Variants in VWF observed in about 807,000 individuals in gnomAD.
VWF encodes the protein von Willebrand factor.
VWF carries 176 observed loss-of-function variants against 308.6 expected under a neutral mutation model. The observed-to-expected ratio is 0.57, with a 90% confidence interval of 0.50 to 0.65. VWF has a LOEUF of 0.65. Ranked by LOEUF, VWF falls within the 30% of genes least tolerant of loss-of-function variation. The pLI, the probability that VWF is intolerant of heterozygous loss-of-function variation, is 0.00. For missense variants in VWF, 3,146 were observed against 3,648.2 expected (o/e 0.86, Z 3.55); for synonymous variants, 1,385 against 1,443.4 (o/e 0.96, Z 0.92).
intron 47 of VWF, among the ~76,000 whole-genome samples, chr12:5,964,615 T>A (rs1039020146): frequency 2.6e-5 from 4 of 152,196 alleles, no homozygotes; most frequent in Non-Finnish European, 4.4e-5. Context: ...ACAGACGACC[T>A]GTCCCAAGGT....
intron 5 of VWF, among the ~76,000 whole-genome samples, chr12:6,102,287 C>G (rs999755477): frequency 6.6e-6 from 1 of 151,802 alleles, no homozygotes; most frequent in Admixed American, 6.6e-5. Context: ...AATAAACATA[C>G]AAAAATTAGC....
rs192349353 is a variant in VWF at position 5,963,656 on chromosome 12, C to G, written c.7887+3830G>C. Reference sequence around the variant, plus strand: ...ACACTCACAGAGGAGGTAAGTTCAGCTAGGAACTTGTTTTCCTGTTTGTTT... The same window carrying G: ...ACACTCACAGAGGAGGTAAGTTCAGGTAGGAACTTGTTTTCCTGTTTGTTT... On this transcript the variant is annotated intron_variant, in intron 47 of 51. Transcript: ENST00000261405. 3.9e-5 allele frequency among the ~76,000 whole-genome samples: 6 copies of G among 152,304 alleles called. No homozygotes were observed. In the East Asian group the frequency reaches 9.6e-4, roughly 24 times the overall value.
intron 5 of VWF, among the ~76,000 whole-genome samples, chr12:6,100,117 A>G (rs1945144727): frequency 6.6e-6 from 1 of 152,140 alleles, no homozygotes; most frequent in African/African-American, 2.4e-5. Flanking sequence ...GAAGACATTT[A>G]TGCAGCCAAA....
chr12:6,039,508 G>A (rs10849378), intron 18 of VWF, among the ~76,000 whole-genome samples: 37,235 of 152,144 alleles, frequency 0.24, 4,802 homozygotes, highest in Non-Finnish European at 0.29. Context: ...AGAAGCTTGC[G>A]AGGAGGAGAG....
rs548656121 is a variant in VWF, at chr12:5,964,806, G to T, written c.7887+2680C>A. Among the ~76,000 whole-genome samples, 12 of 152,332 alleles carry T rather than the reference G, an allele frequency of 7.9e-5. No individual in the cohort carries two copies. The East Asian group carries it at 2.1e-3, about 27-fold the overall frequency. ...AGAGGGCAAAGTTAGGCCAAGAAAA[G>T]GAAAGGTGGAGGGCAGTTATGCGAG... On this transcript the variant is annotated intron_variant, in intron 47 of 51. Transcript: ENST00000261405.
chr12:5,953,526 C>A lies in VWF; in HGVS notation c.7956G>T (p.Gln2652His). 1 of 1,614,190 alleles carries A rather than the reference C, an allele frequency of 6.2e-7. No homozygotes were observed. Among genetic ancestry groups the A allele is most frequent in the Non-Finnish European group, 8.5e-7 (1 of 1,180,026 alleles). The change falls in exon 48 of 52, where the codon CAG becomes CAT. Residue 2652 changes from glutamine to histidine, a missense_variant. By Grantham distance (24) the Gln-to-His change is conservative (BLOSUM62 0). Around this residue, in one of 3 missense-constraint regions of VWF, gnomAD observed 989 missense variants for 1,117.4 expected, o/e 0.89. Transcript: ENST00000261405. The stretch of plus-strand genomic sequence containing the variant: ...GTGTCATGATCTGTCCTCCTCTTAG[C>A]TGAATGGTGCAAGCCGTAGGCAAAC... ...GRCLPTACTI[Q>H]LRGGQIMTLK...
At position 6,114,656 on chromosome 12, in the gene VWF, G is replaced by C. The variant is rs78324410; in HGVS notation, c.221-3688C>G. On this transcript the variant is annotated intron_variant, in intron 3 of 51. Coordinates refer to ENST00000261405, the MANE Select transcript of VWF (RefSeq NM_000552.5). ...AGTGATGAAGAGCTGGGACTCAAGC[G>C]AGTGCTGTTTTAAGTATGTCAAGGG... 1.5e-3 allele frequency among the ~76,000 whole-genome samples: 221 copies of C among 152,290 alleles called. 2 individuals are homozygous for C. Among genetic ancestry groups the C allele is most frequent in the African/African-American group, 4.9e-3 (205 of 41,564 alleles).
At chr12:5,949,250 C>G in intron 51 of VWF, 47 bp from the exon 52 acceptor site, 1 of 1,599,648 alleles carries the variant, frequency 6.3e-7, no homozygotes, top group East Asian at 2.2e-5. Context: ...GGTGGGAAGT[C>G]CTGGCTTAGG....
chr12:6,050,762 C>A (rs1347930144), intron 16 of VWF, among the ~76,000 whole-genome samples: 2 of 152,006 alleles, frequency 1.3e-5, no homozygotes, highest in African/African-American at 2.4e-5. Context: ...GAGTTCGAGA[C>A]CAGCCTGACA....
At chr12:6,122,874 T>TC (rs1204965760) in intron 2 of VWF, 1 of 732,626 alleles carries the variant, frequency 1.4e-6, no homozygotes, top group Non-Finnish European at 2.5e-6. Context: ...TCCTTCCTCC[T>TC]CATCCTGTGC....
chr12:6,024,170 C>T lies in VWF; in HGVS notation c.3223-383G>A, dbSNP rs780278950. Among the ~76,000 whole-genome samples, 8 of 152,216 alleles carry T rather than the reference C, an allele frequency of 5.3e-5. No homozygotes were observed. The highest frequency in any genetic ancestry group is 8.8e-5 in the Non-Finnish European group (6 of 68,044). Reference sequence around the variant, plus strand: ...ACAAAAACACAAACACACATATGTGCTGGTCACTGTCTTTCTTTGCCTCAA... The same window carrying T: ...ACAAAAACACAAACACACATATGTGTTGGTCACTGTCTTTCTTTGCCTCAA... On this transcript the variant is annotated intron_variant, in intron 24 of 51. Coordinates refer to ENST00000261405, the MANE Select transcript of VWF (RefSeq NM_000552.5). The surrounding 1 kb of genome is among the most constrained non-coding windows in gnomAD (Gnocchi z 4.0).
chr12:5,975,783 G>A (rs562386840), intron 43 of VWF, among the ~76,000 whole-genome samples: 4 of 152,258 alleles, frequency 2.6e-5, no homozygotes, highest in East Asian at 3.9e-4. Flanking sequence ...TACAACAGAC[G>A]TGACCATTAG....
intron 38 of VWF, 106 bp from the exon 39 acceptor site, chr12:5,985,771 C>A: frequency 9.4e-7 from 1 of 1,058,648 alleles, no homozygotes; most frequent in Non-Finnish European, 1.4e-6. Context: ...CAGTCCCTGA[C>A]CCAGCCCTCT....
intron 6 of VWF, among the ~76,000 whole-genome samples, chr12:6,086,300 C>T (rs1365862235): frequency 6.6e-6 from 1 of 152,178 alleles, no homozygotes; most frequent in East Asian, 1.9e-4. Context: ...CTTGAGAGAG[C>T]AGTTCTCATC....
intron 18 of VWF, among the ~76,000 whole-genome samples, chr12:6,042,237 C>G (rs961333798): frequency 6.6e-6 from 1 of 152,146 alleles, no homozygotes; most frequent in South Asian, 2.1e-4. Flanking sequence ...AAAGCCACTT[C>G]CCTTTCCCCT....
chr12:6,037,117 A>G (rs1281532848), intron 18 of VWF, among the ~76,000 whole-genome samples: 1 of 152,226 alleles, frequency 6.6e-6, no homozygotes, highest in African/African-American at 2.4e-5. Flanking sequence ...ATATGGTTCC[A>G]AATGTATATA....
intron 28 of VWF, among the ~76,000 whole-genome samples, chr12:6,018,028 G>T (rs1944081904): frequency 6.6e-6 from 1 of 151,746 alleles, no homozygotes; most frequent in African/African-American, 2.4e-5. Flanking sequence ...GAATTGGGTG[G>T]GGAAGAGGCT....
chr12:6,096,211 T>C (rs1945104902), intron 5 of VWF, among the ~76,000 whole-genome samples: 1 of 152,062 alleles, frequency 6.6e-6, no homozygotes, highest in South Asian at 2.1e-4. Flanking sequence ...GAAATGCCCT[T>C]TCCCTGTCAC....
At chr12:6,028,162 C>G (rs1446874187) in intron 22 of VWF, among the ~76,000 whole-genome samples, 1 of 152,144 alleles carries the variant, frequency 6.6e-6, no homozygotes, top group Non-Finnish European at 1.5e-5. Context: ...ATACATGCCA[C>G]TTAAAGAAAT....
Sources: allele counts gnomAD v4.1 joint callset (sites outside exome capture counted in the v4.1 genomes callset), GRCh38; gene constraint gnomAD v4.1.1; regional missense constraint gnomAD v4.1.1; non-coding constraint Gnocchi (gnomAD v3.1); transcripts MANE v1.5; gene names NCBI Gene and HGNC (gene_info 2026-07-23, HGNC 2026-07-21).